The following CHAT variants were observed in gnomAD, a reference collection of about 807,000 sequenced individuals.
CHAT encodes choline O-acetyltransferase.
A neutral mutation model predicts 76.9 loss-of-function variants in CHAT; 61 were observed. The observed-to-expected ratio is 0.79, with a 90% confidence interval of 0.65 to 0.98. The LOEUF (loss-of-function observed/expected upper bound fraction) is 0.98. Among genes scored for constraint, CHAT ranks in the 50% least tolerant of loss-of-function variants. CHAT has a pLI of 0.00. For synonymous variants in CHAT, 407 were observed against 397.4 expected (o/e 1.02, Z -0.29); for missense variants, 946 against 986.9 (o/e 0.96, Z 0.56).
At chr10:49,643,740 C>T (rs1839564896) in intron 7 of CHAT, among the ~76,000 whole-genome samples, 2 of 152,210 alleles carry the variant, frequency 1.3e-5, no homozygotes, top group Admixed American at 6.5e-5. Flanking sequence ...GCCAGCTGGA[C>T]ACCTCCAGGC....
intron 5 of CHAT, among the ~76,000 whole-genome samples, chr10:49,624,025 A>G (rs1201128887): frequency 6.6e-6 from 1 of 152,166 alleles, no homozygotes; most frequent in Non-Finnish European, 1.5e-5. Context: ...CCTGCGTGCT[A>G]AAGCCTCCCA....
At chr10:49,612,131 C>G, upstream of CHAT, 1 of 1,612,308 alleles carries the variant, frequency 6.2e-7, no homozygotes. Flanking sequence ...CTCTATGCTC[C>G]CGTCTTGCTG....
chr10:49,645,278 C>T (rs1405906408), intron 7 of CHAT, among the ~76,000 whole-genome samples: 1 of 152,210 alleles, frequency 6.6e-6, no homozygotes, highest in Non-Finnish European at 1.5e-5. Context: ...ACAGAGCACT[C>T]TCACCCCTGC....
chr10:49,616,584 T>A lies in CHAT; in HGVS notation c.369T>A (p.Thr123=). Residue 123 remains threonine, a synonymous_variant, in exon 2 of 15, where the codon ACT becomes ACA. Transcript: ENST00000337653. ...TCCCCCGTAAGATGGCAGCAAAAACTCCCAGCAGTGAGGAGTCTGTGAGTG... is the reference window on the plus strand; with the variant it reads ...TCCCCCGTAAGATGGCAGCAAAAACACCCAGCAGTGAGGAGTCTGTGAGTG... The part of the protein sequence containing the change: ...EKVPRKMAAK[T]PSSEESGLPK... 6.2e-7 allele frequency: 1 copy of A among 1,610,836 alleles called. No individual in the cohort carries two copies. The highest frequency in any genetic ancestry group is 8.5e-7 in the Non-Finnish European group (1 of 1,178,088).
intron 7 of CHAT, among the ~76,000 whole-genome samples, chr10:49,635,280 T>G (rs781618996): frequency 1.3e-5 from 2 of 152,256 alleles, no homozygotes; most frequent in Non-Finnish European, 2.9e-5. Flanking sequence ...CTTTCCTTTT[T>G]ATTGCTGAGT....
intron 13 of CHAT, 138 bp from the exon 14 acceptor site, chr10:49,662,507 A>G (rs1178817975): frequency 2.7e-6 from 3 of 1,127,316 alleles, no homozygotes; most frequent in Admixed American, 3.6e-5. Flanking sequence ...ACTCATACAC[A>G]TTGTTGGCAG....
intron 4 of CHAT, among the ~76,000 whole-genome samples, 177 bp downstream of exon 4, chr10:49,620,790 G>A (rs916981137): frequency 3.3e-5 from 5 of 152,232 alleles, no homozygotes; most frequent in Admixed American, 3.3e-4. Flanking sequence ...AGGTGTGGCT[G>A]CACTCGAGTG....
chr10:49,650,850 T>C (rs190833378), intron 10 of CHAT, among the ~76,000 whole-genome samples: 2 of 152,154 alleles, frequency 1.3e-5, no homozygotes, highest in South Asian at 2.1e-4. Flanking sequence ...AGGTGTTCTA[T>C]AAAGTGGTGC....
At chr10:49,650,497 T>A (rs1046492846) in intron 10 of CHAT, among the ~76,000 whole-genome samples, 1 of 151,946 alleles carries the variant, frequency 6.6e-6, no homozygotes, top group African/African-American at 2.4e-5. Context: ...TGCAAGCAGA[T>A]GGGGAAGAGG....
intron 13 of CHAT, chr10:49,661,499 G>A (rs1246081643): frequency 2.0e-5 from 3 of 152,208 alleles, no homozygotes; most frequent in African/African-American, 7.2e-5. Context: ...ACCAGAGCCT[G>A]AGTCATCTTT....
chr10:49,664,352 G>A (rs973077805), intron 14 of CHAT, among the ~76,000 whole-genome samples: 4 of 152,160 alleles, frequency 2.6e-5, no homozygotes, highest in South Asian at 2.1e-4. Flanking sequence ...GGGGGAAATC[G>A]ACACAGAGGA....
At chr10:49,623,926 C>T (rs1172766548) in intron 5 of CHAT, among the ~76,000 whole-genome samples, 1 of 152,234 alleles carries the variant, frequency 6.6e-6, no homozygotes, top group Non-Finnish European at 1.5e-5. Flanking sequence ...CCACAACCTC[C>T]TTCCTTGTTC....
rs1490054625 is a variant in CHAT, at chr10:49,667,601, T to A, written c.*2555T>A. Among the ~76,000 whole-genome samples, 2 of 152,138 alleles carry A rather than the reference T, an allele frequency of 1.3e-5. No homozygotes were observed. Among genetic ancestry groups the A allele is most frequent in the Non-Finnish European group, 2.9e-5 (2 of 68,018 alleles). ...CAACACTGAGCCATGGCCAAGGGCA[T>A]CTCTGCGGGGACCCTGGGAAAGGAG... is the stretch of plus-strand genomic sequence containing the variant. On this transcript the variant is annotated 3_prime_UTR_variant, in exon 15 of 15. Coordinates refer to ENST00000337653, the MANE Select transcript of CHAT (RefSeq NM_020549.5).
intron 1 of CHAT, among the ~76,000 whole-genome samples, chr10:49,614,793 C>T (rs2132696705): frequency 6.6e-6 from 1 of 152,258 alleles, no homozygotes; most frequent in South Asian, 2.1e-4. Context: ...TTGGGTCTGA[C>T]CCGACTCGCC....
chr10:49,637,042 T>C (rs750862755), intron 7 of CHAT, among the ~76,000 whole-genome samples: 4 of 148,546 alleles, frequency 2.7e-5, no homozygotes, highest in African/African-American at 7.4e-5. Flanking sequence ...CTCCCTCTCT[T>C]TTTTTTTTTG....
intron 5 of CHAT, among the ~76,000 whole-genome samples, chr10:49,623,674 G>A (rs765311399): frequency 3.1e-4 from 47 of 152,084 alleles, no homozygotes; most frequent in Admixed American, 4.6e-4. Context: ...GGAGAGCTTC[G>A]CCTCTCCCTC....
At chr10:49,654,724 G>T (rs4838548) in intron 11 of CHAT, among the ~76,000 whole-genome samples, 65,403 of 152,064 alleles carry the variant, frequency 0.43, 14,351 homozygotes, top group East Asian at 0.69. Flanking sequence ...CAGGATTCCC[G>T]CATAGGTGGG....
intron 12 of CHAT, 64 bp from the exon 13 acceptor site, chr10:49,655,322 C>T (rs1564493857): frequency 6.2e-7 from 1 of 1,612,392 alleles, no homozygotes. Context: ...GCCCTCTGAC[C>T]ACCAGATGCT....
upstream of CHAT, chr10:49,610,929 C>T: frequency 6.2e-7 from 1 of 1,611,120 alleles, no homozygotes; most frequent in Non-Finnish European, 8.5e-7. Context: ...ACATCGCCCA[C>T]ATGCGCGGGG....
Sources: allele counts gnomAD v4.1 joint callset (sites outside exome capture counted in the v4.1 genomes callset), GRCh38; gene constraint gnomAD v4.1.1; transcripts MANE v1.5; gene names NCBI Gene and HGNC (gene_info 2026-07-23, HGNC 2026-07-21).